THAP6: variants seen among roughly 807,000 people sequenced by gnomAD.
The protein encoded by THAP6 is THAP domain containing 6.
THAP6 carries 13 observed loss-of-function variants against 20.0 expected under a neutral mutation model. The observed-to-expected ratio is 0.65, with a 90% CI of 0.42 to 1.03. The LOEUF is 1.03. Ranked by LOEUF, THAP6 falls within the 50% of genes least tolerant of loss-of-function variation. The pLI is 0.00. For missense variants in THAP6, 262 were observed against 261.6 expected, an observed-to-expected ratio of 1.00 and a Z score of -0.01; for synonymous variants, 93 against 92.2, an observed-to-expected ratio of 1.01 and a Z score of -0.05.
At position 75,528,812 on chromosome 4, in the gene THAP6, G is replaced by T; in HGVS notation, c.*1598G>T. 1.0e-6 allele frequency: 1 copy of T among 969,646 alleles called. No homozygotes were observed. 60.1% of individuals were successfully genotyped at this position (969,646 alleles called of 1,614,324 possible). A position where few individuals can be genotyped will look rare whatever the true frequency, so the allele number is the denominator to read the frequency against. On this transcript the variant is annotated 3_prime_UTR_variant, in exon 5 of 5. Transcript: ENST00000311638. ...ACCTGTAATCCTAGCACTTTGGGAG[G>T]CCAAGGCAGGCAGATCACTTGAGGT...
chr4:75,517,920 A>G (rs1266833362), intron 3 of THAP6, among the ~76,000 whole-genome samples: 1 of 152,232 alleles, frequency 6.6e-6, no homozygotes, highest in South Asian at 2.1e-4. Context: ...TCCAATGTGG[A>G]AAATTCAGGG....
chr4:75,536,708 A>G (rs1726866009), intron 2 of THAP6, among the ~76,000 whole-genome samples: 1 of 151,966 alleles, frequency 6.6e-6, no homozygotes, highest in Non-Finnish European at 1.5e-5. Flanking sequence ...AGGTTTCACC[A>G]TGTTGCCCAG....
At position 75,528,809 on chromosome 4, in the gene THAP6, G is replaced by GT. The variant is rs1414998191; in HGVS notation, c.*1595_*1596insT. 1.0e-6 allele frequency: 1 copy of GT among 976,738 alleles called. No individual in the cohort carries two copies. The highest frequency in any genetic ancestry group is 1.2e-6 in the Non-Finnish European group (1 of 822,422). The allele number at this position is 976,738 out of a possible 1,614,324, so 60.5% of individuals were successfully genotyped here. A position where few individuals can be genotyped will look rare whatever the true frequency, so the allele number is the denominator to read the frequency against. On this transcript the variant is annotated 3_prime_UTR_variant, in exon 5 of 5. Coordinates refer to ENST00000311638, the MANE Select transcript of THAP6 (RefSeq NM_144721.6). ...CATACCTGTAATCCTAGCACTTTGG[G>GT]AGGCCAAGGCAGGCAGATCACTTGA...
chr4:75,518,927 G>C (rs1257139020), intron 3 of THAP6, among the ~76,000 whole-genome samples: 2 of 152,070 alleles, frequency 1.3e-5, no homozygotes, highest in African/African-American at 2.4e-5. Flanking sequence ...ACTTTATGTT[G>C]AAGTAAAATA....
chr4:75,518,009 A>G (rs1238275017), intron 3 of THAP6, among the ~76,000 whole-genome samples: 3 of 152,224 alleles, frequency 2.0e-5, no homozygotes, highest in Non-Finnish European at 4.4e-5. Context: ...GCTCCCATGC[A>G]GTCCTGGTCA....
At chr4:75,533,409 C>G (rs1726746960), downstream of THAP6, among the ~76,000 whole-genome samples, 1 of 152,158 alleles carries the variant, frequency 6.6e-6, no homozygotes, top group Non-Finnish European at 1.5e-5. Flanking sequence ...CTAGGGAGTT[C>G]CAAACTTTCC....
At chr4:75,533,479 G>A (rs561966771), downstream of THAP6, among the ~76,000 whole-genome samples, 16 of 152,166 alleles carry the variant, frequency 1.1e-4, no homozygotes, top group Admixed American at 7.9e-4. Flanking sequence ...CTGTTACCCA[G>A]TTCCAAGCTT....
Position 75,521,718 on chromosome 4 carries a change from A to G in THAP6, c.289-18A>G, listed in dbSNP as rs374527112. On this transcript the variant is annotated intron_variant, in intron 3 of 4. Coordinates refer to ENST00000311638, the MANE Select transcript of THAP6 (RefSeq NM_144721.6). Reference sequence around the variant, plus strand: ...AAAAGTATCTCACTTGATGATTATTATTAACTACTCTTAACAGGGGAAAAG... The same window carrying G: ...AAAAGTATCTCACTTGATGATTATTGTTAACTACTCTTAACAGGGGAAAAG... 2.5e-6 allele frequency: 4 copies of G among 1,584,302 alleles called. No individual in the cohort carries two copies. The East Asian group carries it at 9.0e-5, about 36-fold the overall frequency.
At chr4:75,517,079 C>A (rs1047429938) in intron 3 of THAP6, 100 bp downstream of exon 3, 5 of 858,184 alleles carry the variant, frequency 5.8e-6, no homozygotes, top group Non-Finnish European at 8.7e-6. Flanking sequence ...AGTGCAGTGG[C>A]GCGATCTCAG....
intron 3 of THAP6, among the ~76,000 whole-genome samples, chr4:75,519,796 C>T (rs1180134771): frequency 9.9e-5 from 15 of 151,564 alleles, no homozygotes; most frequent in Non-Finnish European, 2.1e-4. Flanking sequence ...CATACGTGTG[C>T]ATGTGTCTTT....
Position 75,528,696 on chromosome 4 carries a change from G to A in THAP6, c.*1482G>A, listed in dbSNP as rs1016621122. On this transcript the variant is annotated 3_prime_UTR_variant, in exon 5 of 5. Transcript: ENST00000311638. ...ATCTGCGAGATCAGCGTTATGCTAA[G>A]AGGAAATCACTGAGGCCATATCTTT... 27 of 984,190 alleles carry A rather than the reference G, an allele frequency of 2.7e-5. No individual in the cohort carries two copies. Among genetic ancestry groups the A allele is most frequent in the Non-Finnish European group, 3.3e-5 (27 of 829,566 alleles). 61.0% of individuals were successfully genotyped at this position (984,190 alleles called of 1,614,324 possible).
At chr4:75,515,597 A>G (rs1196267076) in intron 2 of THAP6, 65 bp downstream of exon 2, 1 of 1,524,760 alleles carries the variant, frequency 6.6e-7, no homozygotes, top group Non-Finnish European at 9.1e-7. Flanking sequence ...AGACAGTTCT[A>G]CTTAAGTCTT....
chr4:75,523,800 CAAA>C (rs74684663), intron 4 of THAP6, among the ~76,000 whole-genome samples: 2 of 72,738 alleles, frequency 2.7e-5, no homozygotes, highest in African/African-American at 4.1e-5. Flanking sequence ...GAACCTGTCT[CAAA>C]AAAAAAAAAA....
Position 75,528,080 on chromosome 4 carries a change from A to T in THAP6, c.*866A>T, listed in dbSNP as rs1235429120. The T allele has an allele frequency of 1.1e-5, 11 of 984,426 alleles. No homozygotes were observed. Among genetic ancestry groups the T allele is most frequent in the South Asian group, 9.4e-5 (2 of 21,270 alleles). The allele number at this position is 984,426 out of a possible 1,614,324, so 61.0% of individuals were successfully genotyped here. On this transcript the variant is annotated 3_prime_UTR_variant, in exon 5 of 5. Coordinates refer to ENST00000311638, the MANE Select transcript of THAP6 (RefSeq NM_144721.6). ...GTAGTATTGCTGACATTTTAAAAAA[A>T]TACAAAATACAAAAGAAACCATTAG...
intron 2 of THAP6, among the ~76,000 whole-genome samples, chr4:75,535,374 G>A (rs1418613232): frequency 6.6e-6 from 1 of 150,978 alleles, no homozygotes; most frequent in Non-Finnish European, 1.5e-5. Flanking sequence ...CAGTTCAACT[G>A]AAGCAATTTC....
chr4:75,524,176 G>A (rs981048843), intron 4 of THAP6, among the ~76,000 whole-genome samples: 1 of 152,102 alleles, frequency 6.6e-6, no homozygotes, highest in Non-Finnish European at 1.5e-5. Context: ...CTATGTTAAA[G>A]TGGTATTACT....
chr4:75,544,202 C>A (rs1471023285), intron 3 of THAP6: 1 of 152,178 alleles, frequency 6.6e-6, no homozygotes, highest in Non-Finnish European at 1.5e-5. Flanking sequence ...TTTATCCACA[C>A]CCTCACTCTC....
intron 2 of THAP6, among the ~76,000 whole-genome samples, chr4:75,515,828 G>C (rs1271674405): frequency 3.9e-5 from 6 of 152,168 alleles, no homozygotes; most frequent in African/African-American, 1.4e-4. Context: ...ATTCAATGTT[G>C]TTTACATGTA....
At chr4:75,539,954 G>T (rs1349516943) in intron 2 of THAP6, 1 of 1,535,722 alleles carries the variant, frequency 6.5e-7, no homozygotes. Context: ...AGGCAACAGT[G>T]GTCAGGTAGG....
Sources: allele counts gnomAD v4.1 joint callset (sites outside exome capture counted in the v4.1 genomes callset), GRCh38; gene constraint gnomAD v4.1.1; transcripts MANE v1.5; gene names NCBI Gene and HGNC (gene_info 2026-07-23, HGNC 2026-07-21).